Variants in ADGRL3 observed in about 807,000 individuals in gnomAD.
ADGRL3 encodes the protein adhesion G protein-coupled receptor L3, also known as calcium-independent alpha-latrotoxin receptor 3.
Under a neutral mutation model 153.5 loss-of-function variants are expected in ADGRL3, and 62 were observed. That is an observed-to-expected ratio of 0.40 (90% CI 0.33 to 0.50). The LOEUF is 0.50. Ranked by LOEUF, ADGRL3 falls within the 20% of genes least tolerant of loss-of-function variation. The pLI is 0.47. For synonymous variants in ADGRL3, 710 were observed against 672.5 expected (o/e 1.06, Z -0.86); for missense variants, 1,641 against 1,859.4 (o/e 0.88, Z 2.16).
intron 1 of ADGRL3, among the ~76,000 whole-genome samples, chr4:61,304,759 TG>T: frequency 6.6e-6 from 1 of 152,216 alleles, no homozygotes; most frequent in Non-Finnish European, 1.5e-5. Context: ...TTTTCTTGGG[TG>T]TCTTCTCATT....
At chr4:61,610,919 C>A (rs941431468) in intron 5 of ADGRL3, among the ~76,000 whole-genome samples, 10 of 151,728 alleles carry the variant, frequency 6.6e-5, no homozygotes, top group Admixed American at 5.3e-4. Flanking sequence ...AAAGTGACAA[C>A]TACTTATCAA....
At chr4:61,574,163 A>G (rs2098851896) in intron 4 of ADGRL3, among the ~76,000 whole-genome samples, 1 of 151,958 alleles carries the variant, frequency 6.6e-6, no homozygotes, top group Non-Finnish European at 1.5e-5. Context: ...GTGCAACTCC[A>G]TCAGACCTAA....
intron 2 of ADGRL3, among the ~76,000 whole-genome samples, chr4:61,413,683 T>C (rs1429637781): frequency 1.3e-5 from 2 of 152,146 alleles, no homozygotes; most frequent in Non-Finnish European, 2.9e-5. Context: ...CCATTTTCGG[T>C]CTATATCTGT....
At chr4:61,558,646 C>T (rs913713287) in intron 4 of ADGRL3, among the ~76,000 whole-genome samples, 1 of 151,698 alleles carries the variant, frequency 6.6e-6, no homozygotes, top group Non-Finnish European at 1.5e-5. Flanking sequence ...TGTCTGTCTG[C>T]CTGCCTGCCT....
At chr4:61,882,300 G>A (rs2098513253) in intron 9 of ADGRL3, among the ~76,000 whole-genome samples, 1 of 152,178 alleles carries the variant, frequency 6.6e-6, no homozygotes, top group Non-Finnish European at 1.5e-5. Context: ...CCATGTGCCA[G>A]TGAGTATCAT....
intron 1 of ADGRL3, among the ~76,000 whole-genome samples, chr4:61,251,727 T>C (rs868349787): frequency 4.9e-4 from 75 of 151,788 alleles, no homozygotes; most frequent in African/African-American, 1.8e-3. Context: ...GTAAATTTAA[T>C]CCTAGATTTT....
At chr4:61,230,646 A>C (rs553650376) in intron 1 of ADGRL3, among the ~76,000 whole-genome samples, 1 of 152,206 alleles carries the variant, frequency 6.6e-6, no homozygotes, top group South Asian at 2.1e-4. Flanking sequence ...CGGCCTCCCA[A>C]AGTGCTGGAA....
chr4:61,299,472 A>C (rs1416406870), intron 1 of ADGRL3, among the ~76,000 whole-genome samples: 1 of 152,174 alleles, frequency 6.6e-6, no homozygotes, highest in Non-Finnish European at 1.5e-5. Flanking sequence ...GCTGACTCAG[A>C]TTATCAGTTT....
At chr4:61,339,575 G>A (rs368897311) in intron 1 of ADGRL3, among the ~76,000 whole-genome samples, 19 of 152,220 alleles carry the variant, frequency 1.2e-4, no homozygotes, top group African/African-American at 4.3e-4. Context: ...CCATCAAATA[G>A]CACCCACTTT....
chr4:61,662,829 T>C (rs2094648061), intron 5 of ADGRL3, among the ~76,000 whole-genome samples: 2 of 152,164 alleles, frequency 1.3e-5, no homozygotes, highest in Admixed American at 1.3e-4. Context: ...GGGCAGACGA[T>C]GGAATGACCT....
intron 1 of ADGRL3, among the ~76,000 whole-genome samples, chr4:61,222,194 G>C (rs1745918549): frequency 6.6e-6 from 1 of 152,160 alleles, no homozygotes; most frequent in Admixed American, 6.5e-5. Flanking sequence ...ATAGAACACT[G>C]TGGTCTGGTC....
Position 61,200,966 on chromosome 4 carries a change from G to A in ADGRL3, c.-1039G>A, listed in dbSNP as rs1300750867. Among the ~76,000 whole-genome samples, 1 of 152,106 alleles carries A rather than the reference G, an allele frequency of 6.6e-6. No individual in the cohort carries two copies. The highest frequency in any genetic ancestry group is 1.5e-5 in the Non-Finnish European group (1 of 68,022). Reference sequence around the variant, plus strand: ...GTCTGCGCGCCCCCTCCGTGCACCGGGGAAGGAGTTTGTGTGGCTCTCGCT... The same window carrying A: ...GTCTGCGCGCCCCCTCCGTGCACCGAGGAAGGAGTTTGTGTGGCTCTCGCT... On this transcript the variant is annotated 5_prime_UTR_variant, in exon 1 of 27. Transcript: ENST00000683033.
intron 4 of ADGRL3, among the ~76,000 whole-genome samples, chr4:61,530,864 AAAGTACT>A (rs2098608561): frequency 3.9e-5 from 6 of 152,182 alleles, no homozygotes; most frequent in Non-Finnish European, 7.3e-5. Context: ...CTGGTGCTTA[AAAGTACT>A]AGAGAACTTA....
intron 1 of ADGRL3, among the ~76,000 whole-genome samples, chr4:61,220,539 TA>T: frequency 6.6e-6 from 1 of 152,320 alleles, no homozygotes; most frequent in Middle Eastern, 3.4e-3. Flanking sequence ...GCAGAAGGTT[TA>T]GTCATTATAA....
intron 5 of ADGRL3, among the ~76,000 whole-genome samples, chr4:61,601,994 G>A (rs796867094): frequency 1.3e-5 from 2 of 151,450 alleles, no homozygotes; most frequent in African/African-American, 4.8e-5. Flanking sequence ...TGTTTGTTAA[G>A]GAAATTTCAC....
intron 25 of ADGRL3, among the ~76,000 whole-genome samples, chr4:62,054,296 A>AGATT (rs1379539776): frequency 1.3e-5 from 2 of 151,694 alleles, no homozygotes; most frequent in African/African-American, 4.8e-5. Flanking sequence ...TGAGCTTTAG[A>AGATT]GATTAATAAA....
intron 17 of ADGRL3, among the ~76,000 whole-genome samples, chr4:61,960,740 T>G (rs562325123): frequency 2.3e-4 from 35 of 152,282 alleles, no homozygotes; most frequent in African/African-American, 8.4e-4. Context: ...AGACAGAGTC[T>G]GACTCTGTCG....
chr4:61,948,835 C>T (rs1211255014), intron 17 of ADGRL3, among the ~76,000 whole-genome samples: 1 of 152,092 alleles, frequency 6.6e-6, no homozygotes, highest in Non-Finnish European at 1.5e-5. Flanking sequence ...AACATGGCTA[C>T]ATCAATTTCC....
intron 1 of ADGRL3, among the ~76,000 whole-genome samples, chr4:61,343,422 T>G (rs2095844773): frequency 6.6e-6 from 1 of 152,180 alleles, no homozygotes; most frequent in African/African-American, 2.4e-5. Context: ...GAAACCTTGC[T>G]TTTTATCCCT....
Sources: allele counts gnomAD v4.1 joint callset (sites outside exome capture counted in the v4.1 genomes callset), GRCh38; gene constraint gnomAD v4.1.1; transcripts MANE v1.5; gene names NCBI Gene and HGNC (gene_info 2026-07-23, HGNC 2026-07-21).